Variants in SBF2 observed in about 807,000 individuals in gnomAD.
SBF2 encodes myotubularin-related protein 13.
Under a neutral mutation model 225.2 loss-of-function variants are expected in SBF2, and 112 were observed. That is an observed-to-expected ratio of 0.50 (90% CI 0.43 to 0.58). The LOEUF is 0.58. Ranked by LOEUF, SBF2 falls within the 20% of genes least tolerant of loss-of-function variation. SBF2 has a pLI of 0.00. For synonymous variants in SBF2, 763 were observed against 773.3 expected (o/e 0.99, Z 0.22); for missense variants, 1,996 against 2,206.2 (o/e 0.90, Z 1.91).
chr11:9,961,662 T>A (rs899395152), intron 16 of SBF2: 1 of 264,864 alleles, frequency 3.8e-6, no homozygotes, highest in East Asian at 8.7e-5. Context: ...AGACATTAAG[T>A]AATATATAAC....
At chr11:9,842,868 C>T (rs1856262943) in intron 24 of SBF2, 98 bp from the exon 25 acceptor site, 1 of 1,210,264 alleles carries the variant, frequency 8.3e-7, no homozygotes, top group Non-Finnish European at 1.2e-6. Context: ...TCTCCTTTCC[C>T]ACAGCCACTA....
At chr11:10,127,276 T>G (rs969268812) in intron 2 of SBF2, among the ~76,000 whole-genome samples, 1 of 152,090 alleles carries the variant, frequency 6.6e-6, no homozygotes, top group African/African-American at 2.4e-5. Context: ...TCTACATAAT[T>G]AGTTTGAAAT....
chr11:9,812,426 G>T, intron 30 of SBF2, 106 bp downstream of exon 30: 1 of 1,179,608 alleles, frequency 8.5e-7, no homozygotes, highest in Non-Finnish European at 1.2e-6. Context: ...GGAGAATGTT[G>T]GGGAGTAGGG....
chr11:9,936,882 A>G (rs1864937413), intron 16 of SBF2, among the ~76,000 whole-genome samples: 1 of 152,178 alleles, frequency 6.6e-6, no homozygotes, highest in South Asian at 2.1e-4. Flanking sequence ...GCAAACCAAC[A>G]TGGCACATGA....
chr11:9,945,034 G>A (rs1447652361), intron 16 of SBF2, among the ~76,000 whole-genome samples: 2 of 152,180 alleles, frequency 1.3e-5, no homozygotes, highest in Non-Finnish European at 2.9e-5. Flanking sequence ...GAGCCCAGGA[G>A]GTTGAGGATG....
chr11:10,037,427 G>A (rs1949482999), intron 3 of SBF2, among the ~76,000 whole-genome samples: 1 of 152,044 alleles, frequency 6.6e-6, no homozygotes, highest in Non-Finnish European at 1.5e-5. Context: ...TACAATATCA[G>A]CAAGCCCAAT....
chr11:10,040,354 G>A (rs2134671332), intron 3 of SBF2, among the ~76,000 whole-genome samples: 1 of 152,046 alleles, frequency 6.6e-6, no homozygotes, highest in Non-Finnish European at 1.5e-5. Context: ...TATTCCAACT[G>A]TTGACACAGC....
At chr11:10,100,661 G>A (rs532130824) in intron 2 of SBF2, among the ~76,000 whole-genome samples, 1 of 152,208 alleles carries the variant, frequency 6.6e-6, no homozygotes, top group African/African-American at 2.4e-5. Context: ...AGTATCCTAG[G>A]TACTGCCCAC....
chr11:9,840,940 T>C (rs376352911), intron 25 of SBF2, among the ~76,000 whole-genome samples: 1 of 151,728 alleles, frequency 6.6e-6, no homozygotes, highest in East Asian at 1.9e-4. Context: ...ACATTCCTAA[T>C]TGGTACTGCA....
At chr11:10,247,223 T>G (rs564412900) in intron 1 of SBF2, among the ~76,000 whole-genome samples, 1 of 152,202 alleles carries the variant, frequency 6.6e-6, no homozygotes, top group Non-Finnish European at 1.5e-5. Flanking sequence ...CAAGCCAATG[T>G]GACTCATAAA....
At chr11:10,090,112 T>A (rs886513877) in intron 2 of SBF2, among the ~76,000 whole-genome samples, 3 of 152,168 alleles carry the variant, frequency 2.0e-5, no homozygotes, top group South Asian at 2.1e-4. Context: ...ATTCCACTTA[T>A]ACAAGGTACT....
At chr11:10,286,166 G>GCGCACA (rs373771420) in intron 1 of SBF2, among the ~76,000 whole-genome samples, 14,246 of 147,306 alleles carry the variant, frequency 0.097, 782 homozygotes, top group Non-Finnish European at 0.1. Context: ...ACACGCACAC[G>GCGCACA]CACACACACA....
At chr11:9,792,944 T>G (rs1036352375) in intron 33 of SBF2, among the ~76,000 whole-genome samples, 2 of 143,450 alleles carry the variant, frequency 1.4e-5, no homozygotes, top group Non-Finnish European at 1.5e-5. Context: ...TGTGTGTTTT[T>G]TTTTTTTTTT....
At chr11:10,120,608 T>C (rs1053002481) in intron 2 of SBF2, among the ~76,000 whole-genome samples, 1 of 152,076 alleles carries the variant, frequency 6.6e-6, no homozygotes, top group Non-Finnish European at 1.5e-5. Context: ...ACACTTGTTG[T>C]TTTCTGTTTG....
chr11:10,135,500 C>T (rs1185387196), intron 2 of SBF2, among the ~76,000 whole-genome samples: 3 of 152,266 alleles, frequency 2.0e-5, no homozygotes, highest in East Asian at 1.9e-4. Flanking sequence ...GCTCTGCTTC[C>T]GTTATAAAAT....
In SBF2 at chr11:9,790,593, A is replaced by G. The variant is rs1234868701; in HGVS notation, c.4661T>C (p.Ile1554Thr). ...CIDRMHKRSPIFFNYLYSPLE... is the reference protein window; with the variant it reads ...CIDRMHKRSPTFFNYLYSPLE... The stretch of plus-strand genomic sequence containing the variant: ...TGGTGAATATAAATAATTAAAGAAA[A>G]TGGGACTCCTCTTGTGCATTCTGTC... Residue 1554 changes from isoleucine (I) to threonine (T), a missense_variant, in exon 34 of 40, where the codon ATT (isoleucine) becomes ACT (threonine). Ile to Thr is a moderately conservative substitution (Grantham distance 89). Transcript: ENST00000256190. 3 of 1,586,386 alleles carry G rather than the reference A, an allele frequency of 1.9e-6. No individual in the cohort carries two copies. Among genetic ancestry groups the G allele is most frequent in the South Asian group, 1.1e-5 (1 of 89,116 alleles).
chr11:10,198,524 C>T (rs1465107786), intron 1 of SBF2, among the ~76,000 whole-genome samples: 1 of 152,218 alleles, frequency 6.6e-6, no homozygotes, highest in Non-Finnish European at 1.5e-5. Flanking sequence ...CTGGAATTTT[C>T]AGAATGGTAA....
At chr11:9,870,889 G>A (rs572361698) in intron 17 of SBF2, among the ~76,000 whole-genome samples, 6 of 151,244 alleles carry the variant, frequency 4.0e-5, no homozygotes, top group Admixed American at 2.0e-4. Flanking sequence ...CAGCAGAATC[G>A]CCTGAACCCA....
At chr11:10,229,779 T>C (rs1447227319) in intron 1 of SBF2, among the ~76,000 whole-genome samples, 1 of 152,164 alleles carries the variant, frequency 6.6e-6, no homozygotes, top group Admixed American at 6.5e-5. Flanking sequence ...CTGAAAAAAA[T>C]GTATATTCTG....
Sources: gnomAD v4.1 joint callset for allele counts (sites outside exome capture counted in the v4.1 genomes callset) on GRCh38, gnomAD v4.1.1 for gene constraint, MANE v1.5 for transcripts, NCBI Gene and HGNC (gene_info 2026-07-23, HGNC 2026-07-21) for gene names.